Variants in PCDH11X observed in about 807,000 individuals in gnomAD.
PCDH11X encodes protocadherin 11 X-linked.
A neutral mutation model predicts 53.3 loss-of-function variants in PCDH11X; 18 were observed. The observed-to-expected ratio is 0.34, with a 90% CI of 0.23 to 0.50. The LOEUF is 0.50. Among genes scored for constraint, PCDH11X ranks in the 20% least tolerant of loss-of-function variants. The pLI is 0.98. For missense variants in PCDH11X, 570 were observed against 1,032.4 expected, an observed-to-expected ratio of 0.55 and a Z score of 6.14; for synonymous variants, 279 against 393.3, an observed-to-expected ratio of 0.71 and a Z score of 3.44.
chrX:92,132,462 G>T (rs1283504659), intron 6 of PCDH11X, among the ~76,000 whole-genome samples: 1 of 102,232 alleles, frequency 9.8e-6, no homozygotes, highest in East Asian at 3.0e-4. Flanking sequence ...ACAAAAATTA[G>T]CTGGGCGTGG....
chrX:92,246,524 G>T (rs1021683812), intron 7 of PCDH11X, among the ~76,000 whole-genome samples: 5 of 110,483 alleles, frequency 4.5e-5, no homozygotes, highest in African/African-American at 1.6e-4. Context: ...GCTAATTTTT[G>T]TATTTTTAGT....
intron 8 of PCDH11X, among the ~76,000 whole-genome samples, chrX:92,368,536 T>C (rs952828704): frequency 4.5e-5 from 5 of 111,490 alleles, no homozygotes; most frequent in Admixed American, 9.5e-5. Context: ...TTTGTGCCCT[T>C]GCTGGAGAGG....
intron 9 of PCDH11X, among the ~76,000 whole-genome samples, chrX:92,424,184 GTTTT>G (rs10542503): frequency 2.6e-5 from 2 of 76,363 alleles, no homozygotes; most frequent in African/African-American, 8.0e-5. Context: ...ATTGGCAAAT[GTTTT>G]TTTTTTTTTT....
intron 6 of PCDH11X, among the ~76,000 whole-genome samples, chrX:92,026,378 C>A (rs1374649920): frequency 6.7e-5 from 7 of 105,011 alleles, no homozygotes; most frequent in African/African-American, 2.4e-4. Flanking sequence ...CCATATGGTT[C>A]AACAATCATA....
At chrX:92,468,053 T>A in intron 9 of PCDH11X, 1 of 132,077 alleles carries the variant, frequency 7.6e-6, no homozygotes, top group Non-Finnish European at 1.4e-5. Context: ...AAAGCACCAA[T>A]CATTACTTCC....
intron 9 of PCDH11X, chrX:92,460,135 C>T (rs953137591): frequency 3.8e-6 from 4 of 1,057,389 alleles, no homozygotes; most frequent in Admixed American, 2.2e-5. Flanking sequence ...TGACAATGCC[C>T]GTCTTGCTGC....
intron 6 of PCDH11X, among the ~76,000 whole-genome samples, chrX:91,994,721 C>G: frequency 9.0e-6 from 1 of 111,123 alleles, no homozygotes; most frequent in Middle Eastern, 4.6e-3. Context: ...GGAACATCCA[C>G]ACTGTTTTCC....
intron 8 of PCDH11X, among the ~76,000 whole-genome samples, chrX:92,338,243 T>G (rs999707237): frequency 1.5e-4 from 17 of 111,979 alleles, no homozygotes; most frequent in Non-Finnish European, 1.7e-4. Context: ...TTATATTAAT[T>G]TCTTGTTTCT....
At chrX:91,956,368 T>A (rs1263154483) in intron 6 of PCDH11X, among the ~76,000 whole-genome samples, 1 of 111,974 alleles carries the variant, frequency 8.9e-6, no homozygotes, top group Non-Finnish European at 1.9e-5. Context: ...TGTACTTTAG[T>A]GTGTTTTTGT....
intron 6 of PCDH11X, among the ~76,000 whole-genome samples, chrX:91,957,058 C>T (rs182058967): frequency 1.5e-3 from 163 of 109,883 alleles, no homozygotes; most frequent in Non-Finnish European, 2.7e-3. Flanking sequence ...GCTGTCAATA[C>T]TTGTGTTTGC....
chrX:92,034,214 C>T (rs959357319), intron 6 of PCDH11X, among the ~76,000 whole-genome samples: 9 of 111,205 alleles, frequency 8.1e-5, no homozygotes, highest in Non-Finnish European at 1.3e-4. Flanking sequence ...GAAAAGAATG[C>T]GTATTATGCA....
intron 5 of PCDH11X, among the ~76,000 whole-genome samples, chrX:91,867,927 C>A (rs1396503520): frequency 3.6e-5 from 4 of 111,656 alleles, no homozygotes; most frequent in Non-Finnish European, 5.6e-5. Flanking sequence ...GGAAAAAAGA[C>A]CCAAGTTTGC....
At chrX:91,853,885 AG>A (rs1938176905) in intron 5 of PCDH11X, among the ~76,000 whole-genome samples, 1 of 109,915 alleles carries the variant, frequency 9.1e-6, no homozygotes, top group Non-Finnish European at 1.9e-5. Context: ...AATTTTTGTT[AG>A]TACATCATAG....
intron 8 of PCDH11X, among the ~76,000 whole-genome samples, chrX:92,274,456 C>T (rs747104219): frequency 4.3e-4 from 48 of 110,897 alleles, no homozygotes; most frequent in African/African-American, 1.3e-3. Context: ...TCTGACAGAA[C>T]GGAAGAAATG....
intron 10 of PCDH11X, among the ~76,000 whole-genome samples, chrX:92,543,606 C>T (rs2074793127): frequency 9.2e-6 from 1 of 109,176 alleles, no homozygotes; most frequent in South Asian, 4.0e-4. Flanking sequence ...AAGTTTTGGC[C>T]GGGCATGGTG....
chrX:92,334,824 A>G (rs1249386225), intron 8 of PCDH11X, among the ~76,000 whole-genome samples: 3 of 111,242 alleles, frequency 2.7e-5, no homozygotes, highest in African/African-American at 9.8e-5. Context: ...TCTTTTCTCT[A>G]GCTTACTTTA....
In PCDH11X at chrX:91,927,075, G is replaced by A. The variant is rs140517644; in HGVS notation, c.3033+47802G>A. Reference sequence around the variant, plus strand: ...AAAGCAAGAACTGTTTTGACAAAAGGGAAATATAGTTTATTTAAAGCACAC... The same window carrying A: ...AAAGCAAGAACTGTTTTGACAAAAGAGAAATATAGTTTATTTAAAGCACAC... On this transcript the variant is annotated intron_variant, in intron 6 of 10. Transcript: ENST00000682573. Among the ~76,000 whole-genome samples, 452 of 110,430 alleles carry A rather than the reference G, an allele frequency of 4.1e-3. 1 individual carries two copies. The highest frequency in any genetic ancestry group is 6.5e-3 in the South Asian group (17 of 2,604).
chrX:91,886,880 A>G (rs1423535838), intron 6 of PCDH11X, among the ~76,000 whole-genome samples: 11 of 105,089 alleles, frequency 1.0e-4, no homozygotes, highest in Non-Finnish European at 2.1e-4. Context: ...CTGAGGCAGG[A>G]GAATGGCATG....
At chrX:92,606,006 C>T (rs778291888) in intron 10 of PCDH11X, among the ~76,000 whole-genome samples, 14 of 109,995 alleles carry the variant, frequency 1.3e-4, no homozygotes, top group South Asian at 3.9e-4. Context: ...CCGAGGCGGG[C>T]GGATCACCTG....
Sources: gnomAD v4.1 joint callset for allele counts (sites outside exome capture counted in the v4.1 genomes callset) on GRCh38, gnomAD v4.1.1 for gene constraint, MANE v1.5 for transcripts, NCBI Gene and HGNC (gene_info 2026-07-23, HGNC 2026-07-21) for gene names.